Variants in CPT1C observed in about 807,000 individuals in gnomAD.
CPT1C encodes the protein palmitoyl thioesterase CPT1C.
CPT1C carries 61 observed loss-of-function variants against 97.3 expected under a neutral mutation model. The observed-to-expected ratio is 0.63, with a 90% CI of 0.51 to 0.78. The LOEUF is 0.78. Among genes scored for constraint, CPT1C ranks in the 30% least tolerant of loss-of-function variants. The probability of loss-of-function intolerance (pLI) is 0.00; values close to 1 mark genes in which losing one functional copy is unlikely to be tolerated. For synonymous variants in CPT1C, 469 were observed against 447.2 expected, an observed-to-expected ratio of 1.05 and a Z score of -0.61; for missense variants, 975 against 1,065.5, an observed-to-expected ratio of 0.92 and a Z score of 1.18.
intron 4 of CPT1C, among the ~76,000 whole-genome samples, chr19:49,699,363 C>T (rs916269811): frequency 1.4e-5 from 2 of 143,920 alleles, no homozygotes; most frequent in Non-Finnish European, 3.0e-5. Context: ...CACAGTGGCT[C>T]ACACTTGTAA....
Position 49,694,087 on chromosome 19 carries a change from AAAATAAATAAATAAATAAAT to A in CPT1C, c.141+1713_141+1732del, listed in dbSNP as rs143173653. On this transcript the variant is annotated intron_variant, in intron 3 of 19. Coordinates refer to ENST00000598293, the MANE Select transcript of CPT1C (RefSeq NM_001199753.2). ...CTCAAAAAAAAATAAAATAAAATAA[AAAATAAATAAATAAATAAAT>A]AAATAAATAAATAAATAATAAAGAC... Among the ~76,000 whole-genome samples the A allele has an allele frequency of 9.2e-4, 99 of 107,540 alleles. No homozygotes were observed. The Middle Eastern group carries it at 0.016, about 18-fold the overall frequency. The allele number at this position is 107,540 out of a possible 152,430, so 70.6% of individuals were successfully genotyped here. A position where few individuals can be genotyped will look rare whatever the true frequency, so the allele number is the denominator to read the frequency against.
chr19:49,713,125 C>G, intron 19 of CPT1C, 61 bp downstream of exon 19: 1 of 1,399,548 alleles, frequency 7.1e-7, no homozygotes, highest in South Asian at 1.2e-5. Context: ...AGTCTGGGCC[C>G]CCAGCCCCTC....
chr19:49,692,377 ATC>A lies in CPT1C; in HGVS notation c.130_131del (p.Ser44ThrfsTer5). 1 of 1,614,088 alleles carries A rather than the reference ATC, an allele frequency of 6.2e-7. No individual in the cohort carries two copies. The highest frequency in any genetic ancestry group is 8.5e-7 in the Non-Finnish European group (1 of 1,180,010). On this transcript the variant is annotated frameshift_variant, in exon 3 of 20. Coordinates refer to ENST00000598293, the MANE Select transcript of CPT1C (RefSeq NM_001199753.2). LOFTEE classifies it high-confidence loss of function. ...TCTGGCCTGCGCTCCTGGAAAAGGC[ATC>A]TCTCACGTTTCTGGGTGAGGAGCGG...
rs751450568 is a variant in CPT1C, at chr19:49,712,759, G to A, written c.2043G>A (p.Leu681=). The A allele has an allele frequency of 6.2e-7, 1 of 1,614,012 alleles. No individual in the cohort carries two copies. Among genetic ancestry groups the A allele is most frequent in the Admixed American group, 1.7e-5 (1 of 60,018 alleles). ...AGGTCCATTCGGAGCAGTGGCAGCT[G>A]TCCACCAGCCAGATCCCTGTTCAGC... ...LTQVHSEQWQ[L]STSQIPVQQM... The change falls in exon 18 of 20, where the codon CTG becomes CTA. Residue 681 remains leucine (L), a synonymous_variant. Transcript: ENST00000598293.
intron 14 of CPT1C, 29 bp from the exon 15 acceptor site, chr19:49,710,291 A>G (rs2083778197): frequency 1.2e-6 from 2 of 1,609,812 alleles, no homozygotes; most frequent in Non-Finnish European, 1.7e-6. Context: ...TGTAACCCCA[A>G]CTACTCCTCT....
chr19:49,704,428 C>T (rs1347537425), intron 7 of CPT1C, among the ~76,000 whole-genome samples: 3 of 152,222 alleles, frequency 2.0e-5, no homozygotes, highest in Non-Finnish European at 4.4e-5. Context: ...CGCTTAGCCT[C>T]CCAAAGTGCT....
rs2082401472 is a variant in CPT1C at position 49,692,329 on chromosome 19, C to T, written c.77C>T (p.Pro26Leu). ...GGGGCTGAAGTGGAACTCAGTGCCC[C>T]TGTGCTGCAGGAGATCTACCTCTCT... Reference protein sequence around the residue: ...SDGAEVELSAPVLQEIYLSGL... With the variant: ...SDGAEVELSALVLQEIYLSGL... Residue 26 changes from proline to leucine, a missense_variant, in exon 3 of 20, where the codon CCT (proline) becomes CTT (leucine). Pro to Leu is a moderately conservative substitution (Grantham distance 98, BLOSUM62 -3). This residue lies in a region of CPT1C where 596 missense variants were observed against 603.1 expected (regional missense o/e 0.99). Coordinates refer to ENST00000598293, the MANE Select transcript of CPT1C (RefSeq NM_001199753.2). 6.2e-7 allele frequency: 1 copy of T among 1,614,110 alleles called. No homozygotes were observed. Among genetic ancestry groups the T allele is most frequent in the Non-Finnish European group, 8.5e-7 (1 of 1,180,016 alleles).
At chr19:49,708,913 C>G in intron 14 of CPT1C, 74 bp downstream of exon 14, 1 of 934,370 alleles carries the variant, frequency 1.1e-6, no homozygotes, top group Non-Finnish European at 1.7e-6. Context: ...ATCCCCACCC[C>G]TAATCTGAAC....
chr19:49,708,222 T>C (rs2083628070), intron 13 of CPT1C, among the ~76,000 whole-genome samples: 1 of 151,936 alleles, frequency 6.6e-6, no homozygotes, highest in Non-Finnish European at 1.5e-5. Context: ...CAGTGGCTCA[T>C]GCCTGTAATC....
Position 49,712,744 on chromosome 19 carries a change from G to A in CPT1C, c.2028G>A (p.Ser676=), listed in dbSNP as rs377477336. ...LQSPFLTQVH[S]EQWQLSTSQI... ...TGGGCTCCTGTCCTCAGGTCCATTC[G>A]GAGCAGTGGCAGCTGTCCACCAGCC... The change falls in exon 18 of 20, where the codon TCG becomes TCA. Residue 676 remains serine (S), a synonymous_variant. Coordinates refer to ENST00000598293, the MANE Select transcript of CPT1C (RefSeq NM_001199753.2). 8 of 1,613,316 alleles carry A rather than the reference G, an allele frequency of 5.0e-6. No homozygotes were observed. Among genetic ancestry groups the A allele is most frequent in the African/African-American group, 1.3e-5 (1 of 74,876 alleles).
chr19:49,705,728 C>T (rs1337364310), intron 10 of CPT1C, among the ~76,000 whole-genome samples, 181 bp from the exon 11 acceptor site: 1 of 152,122 alleles, frequency 6.6e-6, no homozygotes, highest in Non-Finnish European at 1.5e-5. Flanking sequence ...CCACTGCACT[C>T]CAGCCTGGCG....
chr19:49,700,835 TC>T lies in CPT1C; in HGVS notation c.438del (p.Thr147ProfsTer64), dbSNP rs769458002. On this transcript the variant is annotated frameshift_variant, in exon 5 of 20. Transcript: ENST00000598293. LOFTEE classifies it high-confidence loss of function. ...WLLEPHGAMS[S>X]PTKTWLALVR... ...TCTTGAGCCCCACGGAGCCATGTCC[TC>T]CCCCACCAAGACCTGGCTGGTATGG... 6.2e-7 allele frequency: 1 copy of T among 1,612,532 alleles called. No individual in the cohort carries two copies. The highest frequency in any genetic ancestry group is 8.5e-7 in the Non-Finnish European group (1 of 1,179,982).
chr19:49,711,823 C>G lies in CPT1C; in HGVS notation c.1881C>G (p.Leu627=). ...EDKEKTDPQC[L]ALFRVAVDKH... Reference sequence around the variant, plus strand: ...GGGGACTGCAGGACCCACAGTGCCTCGCCCTGTTCCGCGTGGCAGTGGACA... The same window carrying G: ...GGGGACTGCAGGACCCACAGTGCCTGGCCCTGTTCCGCGTGGCAGTGGACA... Residue 627 remains leucine, a synonymous_variant, in exon 17 of 20, where the codon CTC becomes CTG. Transcript: ENST00000598293. The G allele has an allele frequency of 6.2e-7, 1 of 1,612,608 alleles. No individual in the cohort carries two copies. Among genetic ancestry groups the G allele is most frequent in the East Asian group, 2.2e-5 (1 of 44,874 alleles).
At position 49,708,694 on chromosome 19, in the gene CPT1C, G is replaced by A. The variant is rs1297028301; in HGVS notation, c.1450-29G>A. On this transcript the variant is annotated intron_variant, in intron 13 of 19. Transcript: ENST00000598293. ...ATGGCCTCAGTCCACAGGGAGGAAG[G>A]GACTCTAACAGCCTCTGTTTGCCCA... 5.2e-6 allele frequency: 8 copies of A among 1,531,644 alleles called. No individual in the cohort carries two copies. In the African/African-American group the frequency reaches 5.5e-5, roughly 10 times the overall value. 94.9% of individuals were successfully genotyped at this position (1,531,644 alleles called of 1,614,324 possible).
chr19:49,701,459 C>G (rs187883498), intron 6 of CPT1C, 38 bp from the exon 7 acceptor site: 5 of 1,588,568 alleles, frequency 3.1e-6, no homozygotes, highest in Admixed American at 1.7e-5. Context: ...GCGGCCGGGG[C>G]GGGCCGGGGG....
intron 5 of CPT1C, 78 bp downstream of exon 5, chr19:49,700,933 CCT>C (rs546010559): frequency 5.9e-5 from 87 of 1,483,424 alleles, no homozygotes; most frequent in Non-Finnish European, 7.6e-5. Context: ...TCTCTGTCCC[CCT>C]CTCTCTGGGT....
At chr19:49,711,093 A>C in intron 16 of CPT1C, 1 of 361,880 alleles carries the variant, frequency 2.8e-6, no homozygotes. Context: ...CCAAGAAGGA[A>C]CCCCATTTCT....
chr19:49,699,468 A>AAT (rs1282527925), intron 4 of CPT1C, among the ~76,000 whole-genome samples: 1 of 141,608 alleles, frequency 7.1e-6, no homozygotes, highest in East Asian at 1.9e-4. Context: ...AAAAAAAAAA[A>AAT]AAAAAAAAAA....
intron 2 of CPT1C, 80 bp from the exon 3 acceptor site, chr19:49,692,159 G>A (rs1303486477): frequency 1.3e-6 from 2 of 1,496,286 alleles, no homozygotes; most frequent in Non-Finnish European, 1.8e-6. Flanking sequence ...TATGAAGGAG[G>A]AGGAGGGGCT....
Sources: allele counts gnomAD v4.1 joint callset (sites outside exome capture counted in the v4.1 genomes callset), GRCh38; gene constraint gnomAD v4.1.1; regional missense constraint gnomAD v4.1.1; transcripts MANE v1.5; gene names NCBI Gene and HGNC (gene_info 2026-07-23, HGNC 2026-07-21).